The following TMTC1 variants were observed in gnomAD, a reference collection of about 807,000 sequenced individuals.
TMTC1 encodes protein O-mannosyl-transferase TMTC1.
Under a neutral mutation model 104.8 loss-of-function variants are expected in TMTC1, and 73 were observed. The observed-to-expected ratio is 0.70, with a 90% CI of 0.58 to 0.85. The LOEUF (loss-of-function observed/expected upper bound fraction) is 0.85, where lower values mean the gene tolerates loss of function less well. TMTC1 is among the 40% of genes least tolerant of loss of function. The pLI is 0.00. For synonymous variants in TMTC1, 434 were observed against 428.7 expected, an observed-to-expected ratio of 1.01 and a Z score of -0.15; for missense variants, 1,035 against 1,096.1, an observed-to-expected ratio of 0.94 and a Z score of 0.79.
intron 10 of TMTC1, among the ~76,000 whole-genome samples, chr12:29,541,704 G>A (rs1944803286): frequency 6.9e-6 from 1 of 145,480 alleles, no homozygotes; most frequent in Admixed American, 7.0e-5. Context: ...TGTCGCCCAG[G>A]CTGGAGTGCA....
intron 11 of TMTC1, among the ~76,000 whole-genome samples, chr12:29,528,689 A>T (rs568012649): frequency 4.6e-5 from 7 of 152,310 alleles, no homozygotes; most frequent in African/African-American, 1.4e-4. Context: ...TGACAAATGG[A>T]CATTGGCTTA....
At chr12:29,625,854 T>C (rs1439379828) in intron 6 of TMTC1, among the ~76,000 whole-genome samples, 8 of 152,160 alleles carry the variant, frequency 5.3e-5, no homozygotes, top group Non-Finnish European at 1.5e-5. Context: ...CTTTCTGACA[T>C]ACCCATTCAG....
chr12:29,633,987 C>T (rs1938427090), intron 5 of TMTC1, among the ~76,000 whole-genome samples: 1 of 152,184 alleles, frequency 6.6e-6, no homozygotes, highest in South Asian at 2.1e-4. Flanking sequence ...ATTCAGTCAA[C>T]ACACTTATTA....
intron 5 of TMTC1, among the ~76,000 whole-genome samples, chr12:29,642,622 T>G (rs1173160201): frequency 6.6e-6 from 1 of 151,400 alleles, no homozygotes; most frequent in Admixed American, 6.6e-5. Context: ...CTCAAACAAA[T>G]CAGTAAGAAA....
chr12:29,672,486 T>C (rs1940555225), intron 5 of TMTC1, among the ~76,000 whole-genome samples: 1 of 152,116 alleles, frequency 6.6e-6, no homozygotes, highest in African/African-American at 2.4e-5. Flanking sequence ...CCCACCTCAC[T>C]TTCTATCCCA....
chr12:29,776,530 C>G (rs974728082), intron 1 of TMTC1, among the ~76,000 whole-genome samples: 1 of 152,132 alleles, frequency 6.6e-6, no homozygotes, highest in African/African-American at 2.4e-5. Context: ...TGAGCAGTCA[C>G]AAAAAGGATT....
intron 3 of TMTC1, among the ~76,000 whole-genome samples, chr12:29,756,479 C>G (rs1219021730): frequency 2.0e-5 from 3 of 152,192 alleles, no homozygotes; most frequent in Non-Finnish European, 4.4e-5. Context: ...ATAAGCATTT[C>G]TCTCTGGGAT....
At chr12:29,550,119 T>C (rs1164991148) in intron 10 of TMTC1, among the ~76,000 whole-genome samples, 1 of 151,600 alleles carries the variant, frequency 6.6e-6, no homozygotes, top group African/African-American at 2.4e-5. Context: ...AGAAAAAATA[T>C]CTAAAAAAGC....
chr12:29,524,336 G>A (rs986603082), intron 11 of TMTC1, among the ~76,000 whole-genome samples: 1 of 152,148 alleles, frequency 6.6e-6, no homozygotes, highest in Non-Finnish European at 1.5e-5. Context: ...CAAGCAGTCT[G>A]TTTATTAATA....
chr12:29,567,956 C>T (rs1188555172), intron 9 of TMTC1, among the ~76,000 whole-genome samples: 5 of 151,730 alleles, frequency 3.3e-5, no homozygotes, highest in Admixed American at 3.3e-4. Context: ...TCTTTAGACT[C>T]TAATGATATG....
At chr12:29,562,519 T>C (rs1398471536) in intron 9 of TMTC1, among the ~76,000 whole-genome samples, 1 of 152,216 alleles carries the variant, frequency 6.6e-6, no homozygotes, top group African/African-American at 2.4e-5. Context: ...TTCCTTTAAA[T>C]AGAAATGGTG....
At chr12:29,615,772 T>A (rs1221342385) in intron 6 of TMTC1, among the ~76,000 whole-genome samples, 1 of 152,298 alleles carries the variant, frequency 6.6e-6, no homozygotes, top group East Asian at 1.9e-4. Context: ...AAAGGAATGG[T>A]TTCAAAGGAA....
intron 5 of TMTC1, among the ~76,000 whole-genome samples, chr12:29,688,633 T>C (rs1941171412): frequency 6.6e-6 from 1 of 152,206 alleles, no homozygotes; most frequent in Non-Finnish European, 1.5e-5. Flanking sequence ...GTCTAATGCC[T>C]GAGTTATGTG....
At chr12:29,680,752 G>T (rs1940887181) in intron 5 of TMTC1, among the ~76,000 whole-genome samples, 1 of 152,094 alleles carries the variant, frequency 6.6e-6, no homozygotes, top group Non-Finnish European at 1.5e-5. Flanking sequence ...AAGAGATATG[G>T]TGCCTTGTGG....
intron 5 of TMTC1, among the ~76,000 whole-genome samples, chr12:29,711,043 T>C (rs551952828): frequency 1.3e-5 from 2 of 149,964 alleles, no homozygotes; most frequent in East Asian, 3.9e-4. Flanking sequence ...AGTGCAGTGG[T>C]GCAATCATAG....
chr12:29,773,895 C>T (rs1476059830), intron 1 of TMTC1, among the ~76,000 whole-genome samples: 1 of 152,166 alleles, frequency 6.6e-6, no homozygotes, highest in Non-Finnish European at 1.5e-5. Flanking sequence ...TCCTACATCA[C>T]ACCTGGCCTA....
chr12:29,518,856 T>C (rs1315155490), intron 12 of TMTC1, among the ~76,000 whole-genome samples: 1 of 152,224 alleles, frequency 6.6e-6, no homozygotes, highest in African/African-American at 2.4e-5. Context: ...ACCTATTGTT[T>C]TAATTATATA....
At chr12:29,691,450 A>AC (rs1941263967) in intron 5 of TMTC1, among the ~76,000 whole-genome samples, 1 of 146,804 alleles carries the variant, frequency 6.8e-6, no homozygotes, top group Non-Finnish European at 1.5e-5. Context: ...TAATAATAAA[A>AC]CTGGTTTCCC....
At chr12:29,712,006 CAAAAAAAAAAAAAAAA>C (rs34419655) in intron 5 of TMTC1, among the ~76,000 whole-genome samples, 1 of 43,940 alleles carries the variant, frequency 2.3e-5, no homozygotes, top group African/African-American at 9.1e-5. Flanking sequence ...GACTCCATCT[CAAAAAAAAAAAAAAAA>C]AAAAAAAAAA....
Sources: allele counts gnomAD v4.1 joint callset (sites outside exome capture counted in the v4.1 genomes callset), GRCh38; gene constraint gnomAD v4.1.1; transcripts MANE v1.5; gene names NCBI Gene and HGNC (gene_info 2026-07-23, HGNC 2026-07-21).